BLTP1: variants seen among roughly 807,000 people sequenced by gnomAD.
BLTP1 encodes fragile site-associated protein.
At chr4:122,326,902 A>G in the BLTP1 span, among the ~76,000 whole-genome samples, 1 of 151,796 alleles carries the variant, frequency 6.6e-6, no homozygotes, top group African/African-American at 2.4e-5. Flanking sequence ...TAACATGTAT[A>G]CTATATAAAA....
the BLTP1 span, chr4:122,204,910 A>T: frequency 1.6e-6 from 1 of 618,188 alleles, no homozygotes; most frequent in Non-Finnish European, 2.0e-6. Flanking sequence ...AAATTTGATA[A>T]ATGGAATTTT....
At chr4:122,287,956 C>T in the BLTP1 span, among the ~76,000 whole-genome samples, 550 of 151,970 alleles carry the variant, frequency 3.6e-3, 1 homozygote, top group African/African-American at 0.013. Context: ...TTGTATAATT[C>T]CTTGCTAATA....
chr4:122,358,703 G>A, the BLTP1 span, among the ~76,000 whole-genome samples: 1 of 152,074 alleles, frequency 6.6e-6, no homozygotes, highest in African/African-American at 2.4e-5. Context: ...TCCCAATCAA[G>A]TTATAACCGG....
At chr4:122,268,655 C>CT in the BLTP1 span, among the ~76,000 whole-genome samples, 2 of 152,138 alleles carry the variant, frequency 1.3e-5, no homozygotes, top group Admixed American at 1.3e-4. Context: ...CTACCAATAT[C>CT]TTCATTTTTA....
At chr4:122,250,406 A>G in the BLTP1 span, 1 of 1,613,648 alleles carries the variant, frequency 6.2e-7, no homozygotes, top group Non-Finnish European at 8.5e-7. Context: ...TTTTGGAATT[A>G]TGGGTAAAGC....
At chr4:122,223,253 A>AT in the BLTP1 span, 8 of 529,276 alleles carry the variant, frequency 1.5e-5, no homozygotes, top group African/African-American at 1.2e-4. Context: ...CTTAAAAAAA[A>AT]TTTTTTTAAG....
the BLTP1 span, chr4:122,277,724 C>T: frequency 4.1e-6 from 4 of 983,320 alleles, no homozygotes; most frequent in Non-Finnish European, 4.8e-6. Context: ...ACACTTCCTC[C>T]TTCCTATCAA....
chr4:122,343,074 C>T, the BLTP1 span, among the ~76,000 whole-genome samples: 1 of 152,146 alleles, frequency 6.6e-6, no homozygotes, highest in Non-Finnish European at 1.5e-5. Flanking sequence ...CCCCACTTTG[C>T]TTAAGCCCTA....
At chr4:122,175,252 T>C in the BLTP1 span, 1 of 984,878 alleles carries the variant, frequency 1.0e-6, no homozygotes, top group Non-Finnish European at 1.2e-6. Flanking sequence ...CACTTAAAAC[T>C]AGAGGAGACA....
chr4:122,192,361 C>T, the BLTP1 span: 1 of 1,609,764 alleles, frequency 6.2e-7, no homozygotes, highest in Non-Finnish European at 8.5e-7. Context: ...AATTATGGAC[C>T]ATGGGCCGAT....
the BLTP1 span, among the ~76,000 whole-genome samples, chr4:122,358,477 T>G: frequency 6.6e-6 from 1 of 152,208 alleles, no homozygotes; most frequent in Admixed American, 6.5e-5. Flanking sequence ...AACAAGCACT[T>G]CGTTTTGGCC....
chr4:122,268,885 G>C, the BLTP1 span: 1 of 152,352 alleles, frequency 6.6e-6, no homozygotes, highest in South Asian at 2.1e-4. Context: ...TGATCACAGT[G>C]CTCATCTGTT....
the BLTP1 span, chr4:122,286,878 G>T: frequency 9.5e-7 from 1 of 1,057,664 alleles, no homozygotes; most frequent in Non-Finnish European, 1.4e-6. Flanking sequence ...AACTTTTAAG[G>T]TAAAGTCTTA....
At chr4:122,175,964 A>G in the BLTP1 span, 9 of 939,162 alleles carry the variant, frequency 9.6e-6, no homozygotes, top group Non-Finnish European at 1.5e-5. Flanking sequence ...TATAATCAGG[A>G]TTTTATGAAA....
chr4:122,332,678 T>A, the BLTP1 span, among the ~76,000 whole-genome samples: 1 of 147,298 alleles, frequency 6.8e-6, no homozygotes, highest in African/African-American at 2.5e-5. Flanking sequence ...ATGTGCACAT[T>A]GTGCAGGTTA....
the BLTP1 span, chr4:122,331,568 A>G: frequency 1.9e-6 from 3 of 1,596,948 alleles, no homozygotes; most frequent in South Asian, 1.1e-5. Context: ...AAAAGGATAC[A>G]TGAAACTTTA....
the BLTP1 span, chr4:122,167,710 A>G: frequency 1.0e-6 from 1 of 985,262 alleles, no homozygotes; most frequent in Non-Finnish European, 1.2e-6. Flanking sequence ...CTTGTCCGTC[A>G]TGCCATTGGA....
the BLTP1 span, among the ~76,000 whole-genome samples, chr4:122,198,872 T>C: frequency 5.9e-5 from 9 of 152,222 alleles, no homozygotes; most frequent in African/African-American, 2.2e-4. Flanking sequence ...GTAGTGTTCA[T>C]AGGAAGAGAT....
the BLTP1 span, chr4:122,169,832 G>T: frequency 1.0e-6 from 1 of 985,028 alleles, no homozygotes; most frequent in Non-Finnish European, 1.2e-6. Flanking sequence ...TACCTAGAGT[G>T]AATCTGAACT....
Sources: allele counts gnomAD v4.1 joint callset (sites outside exome capture counted in the v4.1 genomes callset), GRCh38; gene constraint gnomAD v4.1.1; transcripts MANE v1.5; gene names NCBI Gene and HGNC (gene_info 2026-07-23, HGNC 2026-07-21).